Variants in CRPPA observed in about 807,000 individuals in gnomAD.
CRPPA encodes the protein CDP-L-ribitol pyrophosphorylase A.
CRPPA carries 43 observed loss-of-function variants against 52.0 expected under a neutral mutation model. The ratio of observed to expected loss-of-function variants is 0.83; its 90% CI spans 0.65 to 1.07. The LOEUF (loss-of-function observed/expected upper bound fraction) is 1.07, where lower values mean the gene tolerates loss of function less well. Ranked by LOEUF, CRPPA falls within the 50% of genes least tolerant of loss-of-function variation. The pLI, the probability that CRPPA is intolerant of heterozygous loss-of-function variation, is 0.00. For synonymous variants in CRPPA, 250 were observed against 203.5 expected (o/e 1.23, Z -1.94); for missense variants, 629 against 551.7 (o/e 1.14, Z -1.40).
intron 9 of CRPPA, among the ~76,000 whole-genome samples, chr7:16,145,449 C>A (rs1239349761): frequency 6.6e-6 from 1 of 151,964 alleles, no homozygotes; most frequent in Non-Finnish European, 1.5e-5. Flanking sequence ...AAATATGACA[C>A]CATCGAAAGA....
chr7:16,391,628 C>T (rs546263638), intron 2 of CRPPA, among the ~76,000 whole-genome samples: 2 of 152,248 alleles, frequency 1.3e-5, no homozygotes, highest in South Asian at 4.1e-4. Context: ...CCACTAGGAG[C>T]ATTTTAAGTA....
intron 9 of CRPPA, among the ~76,000 whole-genome samples, chr7:16,204,969 T>A (rs1781938430): frequency 6.6e-6 from 1 of 152,190 alleles, no homozygotes; most frequent in South Asian, 2.1e-4. Context: ...AGAGGAGATA[T>A]CTCTCCACGA....
intron 9 of CRPPA, among the ~76,000 whole-genome samples, chr7:16,139,172 G>A (rs765139195): frequency 9.2e-5 from 14 of 152,142 alleles, no homozygotes; most frequent in Admixed American, 2.0e-4. Context: ...AAGAGGCAGC[G>A]TGGAGTATTT....
intron 8 of CRPPA, among the ~76,000 whole-genome samples, chr7:16,223,701 G>C (rs977971131): frequency 6.6e-6 from 1 of 152,108 alleles, no homozygotes; most frequent in African/African-American, 2.4e-5. Flanking sequence ...TAAAAAAACA[G>C]AGCTGTTTTA....
intron 9 of CRPPA, among the ~76,000 whole-genome samples, chr7:16,159,667 A>G (rs990431093): frequency 7.2e-5 from 11 of 152,374 alleles, no homozygotes; most frequent in African/African-American, 9.6e-5. Context: ...TGCAATAAAC[A>G]TAAGTATGCA....
rs183867230 is a variant in CRPPA, at chr7:16,399,492, G to A, written c.534+6569C>T. Among the ~76,000 whole-genome samples the A allele has an allele frequency of 3.1e-3, 388 of 124,056 alleles. 1 individual carries two copies. The highest frequency in any genetic ancestry group is 4.8e-3 in the Non-Finnish European group (299 of 61,808). 81.4% of individuals were successfully genotyped at this position (124,056 alleles called of 152,430 possible). ...TTGACAAGACGTTTGATCAACACAT[G>A]TGACTCGTGACCAACGTGACCAGAG... On this transcript the variant is annotated intron_variant, in intron 2 of 9. Coordinates refer to ENST00000407010, the MANE Select transcript of CRPPA (RefSeq NM_001101426.4).
intron 8 of CRPPA, among the ~76,000 whole-genome samples, chr7:16,223,665 GT>G (rs1239310647): frequency 6.6e-6 from 1 of 152,238 alleles, no homozygotes; most frequent in East Asian, 1.9e-4. Flanking sequence ...AAAAAATTCA[GT>G]TGGTACAAAA....
intron 2 of CRPPA, among the ~76,000 whole-genome samples, chr7:16,399,581 C>G (rs1490219715): frequency 1.3e-5 from 2 of 151,736 alleles, no homozygotes; most frequent in Non-Finnish European, 2.9e-5. Context: ...TGACATGTGA[C>G]AAGCGACTTA....
At chr7:16,148,518 G>A (rs1253956302) in intron 9 of CRPPA, among the ~76,000 whole-genome samples, 1 of 152,118 alleles carries the variant, frequency 6.6e-6, no homozygotes, top group Non-Finnish European at 1.5e-5. Context: ...ATTATGTTAA[G>A]TGAAATAAGT....
intron 3 of CRPPA, among the ~76,000 whole-genome samples, chr7:16,330,116 A>G (rs1328671679): frequency 1.3e-5 from 2 of 152,240 alleles, no homozygotes; most frequent in Non-Finnish European, 2.9e-5. Context: ...TACATAGCAC[A>G]CACGTTAACA....
chr7:16,089,426 T>G lies in CRPPA; in HGVS notation c.*2269A>C, dbSNP rs922039949. The G allele has an allele frequency of 3.0e-6, 1 of 334,058 alleles. No individual in the cohort carries two copies. Among genetic ancestry groups the G allele is most frequent in the Non-Finnish European group, 6.9e-6 (1 of 145,548 alleles). The allele number at this position is 334,058 out of a possible 1,614,324, so 20.7% of individuals were successfully genotyped here. A position where few individuals can be genotyped will look rare whatever the true frequency, so the allele number is the denominator to read the frequency against. Reference sequence around the variant, plus strand: ...ATGTGTATATATGTACGTACATACATATATGTGTATATATGTACGTGCATA... The same window carrying G: ...ATGTGTATATATGTACGTACATACAGATATGTGTATATATGTACGTGCATA... On this transcript the variant is annotated 3_prime_UTR_variant, in exon 10 of 10. Coordinates refer to ENST00000407010, the MANE Select transcript of CRPPA (RefSeq NM_001101426.4).
At chr7:16,257,619 C>T (rs1156803345) in intron 8 of CRPPA, among the ~76,000 whole-genome samples, 5 of 152,020 alleles carry the variant, frequency 3.3e-5, no homozygotes, top group Admixed American at 3.3e-4. Context: ...CTAATCCTAC[C>T]TGACAAGAAT....
chr7:16,337,224 C>G (rs570979846), intron 3 of CRPPA, among the ~76,000 whole-genome samples: 42 of 152,244 alleles, frequency 2.8e-4, no homozygotes, highest in Admixed American at 7.2e-4. Context: ...TGTTACACCA[C>G]AAATCTTAAG....
At chr7:16,175,196 G>C (rs548392875) in intron 9 of CRPPA, among the ~76,000 whole-genome samples, 1 of 152,172 alleles carries the variant, frequency 6.6e-6, no homozygotes, top group South Asian at 2.1e-4. Context: ...AAGTATGCTG[G>C]TTAGAAGACT....
chr7:16,286,037 A>ATATATATATATATATATAT (rs1784425768), intron 5 of CRPPA, among the ~76,000 whole-genome samples: 1 of 15,112 alleles, frequency 6.6e-5, no homozygotes, highest in African/African-American at 5.4e-4. Context: ...AAAAAAAAAA[A>ATATATATATATATATATAT]AATATAAATA....
intron 9 of CRPPA, among the ~76,000 whole-genome samples, chr7:16,175,438 T>C (rs1356785721): frequency 6.6e-6 from 1 of 152,146 alleles, no homozygotes; most frequent in Non-Finnish European, 1.5e-5. Flanking sequence ...TGAATATCTA[T>C]TTTAAGTGCA....
intron 3 of CRPPA, among the ~76,000 whole-genome samples, chr7:16,332,071 G>A (rs1785563946): frequency 6.6e-6 from 1 of 152,046 alleles, no homozygotes; most frequent in Admixed American, 6.6e-5. Flanking sequence ...AAGAAGCCAG[G>A]GGAATCAACA....
intron 3 of CRPPA, among the ~76,000 whole-genome samples, chr7:16,340,020 A>T (rs1478127313): frequency 6.6e-6 from 1 of 152,198 alleles, no homozygotes; most frequent in Non-Finnish European, 1.5e-5. Context: ...AAATCTTCTC[A>T]GCAAATTGTG....
At chr7:16,338,173 A>G (rs1383038398) in intron 3 of CRPPA, among the ~76,000 whole-genome samples, 3 of 152,214 alleles carry the variant, frequency 2.0e-5, no homozygotes, top group Non-Finnish European at 4.4e-5. Flanking sequence ...TTAAAAACAC[A>G]TTTTTTAAAA....
Sources: allele counts gnomAD v4.1 joint callset (sites outside exome capture counted in the v4.1 genomes callset), GRCh38; gene constraint gnomAD v4.1.1; transcripts MANE v1.5; gene names NCBI Gene and HGNC (gene_info 2026-07-23, HGNC 2026-07-21).